The following DYNC2H1 variants were observed in gnomAD, a reference collection of about 807,000 sequenced individuals.
DYNC2H1 encodes dynein cytoplasmic 2 heavy chain 1.
Under a neutral mutation model 570.0 loss-of-function variants are expected in DYNC2H1, and 410 were observed. The observed-to-expected ratio is 0.72, with a 90% confidence interval of 0.66 to 0.78. DYNC2H1 has a LOEUF of 0.78. Among genes scored for constraint, DYNC2H1 ranks in the 30% least tolerant of loss-of-function variants. The probability of loss-of-function intolerance (pLI) is 0.00; values close to 1 mark genes in which losing one functional copy is unlikely to be tolerated. For synonymous variants in DYNC2H1, 1,688 were observed against 1,677.6 expected (o/e 1.01, Z -0.15); for missense variants, 4,865 against 5,046.4 (o/e 0.96, Z 1.09).
intron 11 of DYNC2H1, among the ~76,000 whole-genome samples, chr11:103,123,272 T>C (rs758973017): frequency 3.7e-4 from 56 of 152,190 alleles, no homozygotes; most frequent in Non-Finnish European, 6.8e-4. Context: ...TTTTTTATTA[T>C]TGGTATTTAT....
At chr11:103,237,285 C>G (rs1864255358) in intron 63 of DYNC2H1, among the ~76,000 whole-genome samples, 1 of 151,926 alleles carries the variant, frequency 6.6e-6, no homozygotes, top group South Asian at 2.1e-4. Flanking sequence ...ACACTATTTC[C>G]TTATTCTTAT....
At chr11:103,378,108 T>C (rs1941469498) in intron 83 of DYNC2H1, among the ~76,000 whole-genome samples, 1 of 137,976 alleles carries the variant, frequency 7.2e-6, no homozygotes, top group African/African-American at 2.7e-5. Context: ...ACATCATTAA[T>C]ACTGAGCATA....
intron 43 of DYNC2H1, 122 bp from the exon 44 acceptor site, chr11:103,188,375 T>G: frequency 1.5e-6 from 1 of 661,478 alleles, no homozygotes; most frequent in Non-Finnish European, 2.4e-6. Flanking sequence ...TAATCTAAAA[T>G]TCTTGAGTTA....
chr11:103,308,835 T>G (rs1867426998), intron 78 of DYNC2H1, among the ~76,000 whole-genome samples: 1 of 152,200 alleles, frequency 6.6e-6, no homozygotes, highest in Non-Finnish European at 1.5e-5. Flanking sequence ...TTAAAATTAT[T>G]TAATTTTTTG....
At position 103,244,459 on chromosome 11, in the gene DYNC2H1, T is replaced by C. The variant is rs540604645; in HGVS notation, c.9918+668T>C. Among the ~76,000 whole-genome samples, 1 of 151,008 alleles carries C rather than the reference T, an allele frequency of 6.6e-6. No homozygotes were observed. Among genetic ancestry groups the C allele is most frequent in the Admixed American group, 6.6e-5 (1 of 15,166 alleles). ...ACTTTACTTGTAAAATGGGGATATC[T>C]ACCTTATTTTTTGTGTGATAAGAAT... is the stretch of plus-strand genomic sequence containing the variant. On this transcript the variant is annotated intron_variant, in intron 64 of 88. Coordinates refer to ENST00000375735, the MANE Select transcript of DYNC2H1 (RefSeq NM_001377.3). This position sits in a 1 kb window ranked among gnomAD's most constrained non-coding sequence, Gnocchi z 4.3.
chr11:103,194,527 T>C (rs1862442405), intron 47 of DYNC2H1, among the ~76,000 whole-genome samples: 1 of 152,200 alleles, frequency 6.6e-6, no homozygotes, highest in Non-Finnish European at 1.5e-5. Flanking sequence ...TCCTCATCAT[T>C]GTCAGCATTT....
intron 65 of DYNC2H1, among the ~76,000 whole-genome samples, chr11:103,247,467 C>G (rs528308612): frequency 4.3e-4 from 65 of 152,100 alleles, no homozygotes; most frequent in African/African-American, 1.5e-3. Context: ...CCCAATGGCC[C>G]GAAGACTGGT....
intron 83 of DYNC2H1, among the ~76,000 whole-genome samples, chr11:103,391,453 T>C (rs894206539): frequency 2.6e-5 from 4 of 152,226 alleles, no homozygotes; most frequent in Admixed American, 2.0e-4. Context: ...CTTCCTCCTT[T>C]AGCTCGGAGA....
intron 84 of DYNC2H1, among the ~76,000 whole-genome samples, chr11:103,418,366 C>T (rs1340793295): frequency 6.6e-6 from 1 of 152,082 alleles, no homozygotes; most frequent in Non-Finnish European, 1.5e-5. Flanking sequence ...TTAATTGTAG[C>T]TCTATATGTG....
intron 83 of DYNC2H1, among the ~76,000 whole-genome samples, chr11:103,392,959 C>G (rs1169322932): frequency 6.6e-6 from 1 of 151,922 alleles, no homozygotes; most frequent in Non-Finnish European, 1.5e-5. Context: ...TCTCAGCTCA[C>G]TGCAACCTCC....
chr11:103,152,680 G>A (rs770485636), intron 21 of DYNC2H1, among the ~76,000 whole-genome samples: 2 of 152,130 alleles, frequency 1.3e-5, no homozygotes, highest in Non-Finnish European at 2.9e-5. Flanking sequence ...TAGACTATAA[G>A]CTGCTATGGT....
intron 83 of DYNC2H1, among the ~76,000 whole-genome samples, chr11:103,359,218 TAAGA>T (rs1008674549): frequency 2.6e-5 from 4 of 152,270 alleles, no homozygotes; most frequent in African/African-American, 9.6e-5. Flanking sequence ...CTGTTTTTTA[TAAGA>T]AATCCGTTGA....
At chr11:103,192,292 A>C in intron 47 of DYNC2H1, 28 bp downstream of exon 47, 1 of 1,426,602 alleles carries the variant, frequency 7.0e-7, no homozygotes, top group Non-Finnish European at 9.3e-7. Flanking sequence ...ATGCAAATAC[A>C]TAACTATTAC....
intron 88 of DYNC2H1, among the ~76,000 whole-genome samples, chr11:103,477,985 C>T (rs2170445): frequency 0.91 from 138,538 of 152,044 alleles, 63,583 homozygotes; most frequent in Non-Finnish European, 0.98. Flanking sequence ...ATAATAATAC[C>T]TGTCATACTA....
At chr11:103,423,704 C>G (rs1289059376) in intron 84 of DYNC2H1, among the ~76,000 whole-genome samples, 1 of 151,648 alleles carries the variant, frequency 6.6e-6, no homozygotes, top group Non-Finnish European at 1.5e-5. Context: ...AACAAAGGAA[C>G]CTACAGCTAG....
In DYNC2H1 at chr11:103,245,324, G is replaced by A. The variant is rs376843202; in HGVS notation, c.9992G>A (p.Gly3331Asp). The A allele has an allele frequency of 8.2e-6, 13 of 1,576,282 alleles. No homozygotes were observed. The African/African-American group carries it at 1.3e-4, about 16-fold the overall frequency. ...GKTLIIQEMD[G>D]VEPVLYPLLR... Reference sequence around the variant, plus strand: ...ACCCTTATTATACAAGAGATGGATGGTGTAGAACCTGTTCTTTATCCATTA... The same window carrying A: ...ACCCTTATTATACAAGAGATGGATGATGTAGAACCTGTTCTTTATCCATTA... Residue 3331 changes from glycine (G) to aspartate (D), a missense_variant, in exon 65 of 89, where the codon GGT (glycine) becomes GAT (aspartate). This residue lies in a region of DYNC2H1 where 2,401 missense variants were observed against 2,454.6 expected (regional missense o/e 0.98). Transcript: ENST00000375735. The surrounding 1 kb of genome is among the most constrained non-coding windows in gnomAD (Gnocchi z 4.5).
intron 13 of DYNC2H1, among the ~76,000 whole-genome samples, chr11:103,132,393 G>C (rs1444256443): frequency 2.0e-5 from 3 of 151,832 alleles, no homozygotes; most frequent in Admixed American, 6.6e-5. Context: ...CTAGTTTCAA[G>C]AGAATTTGTA....
rs879453459 is a variant in DYNC2H1, at chr11:103,362,320, C to CT, written c.12156+3973dup. ...GCTTCTTAAATATATTAATTTTTTT[C>CT]TTTTTTTTTTTTCTTTTTTTTTTTT... On this transcript the variant is annotated intron_variant, in intron 83 of 88. Transcript: ENST00000375735. Among the ~76,000 whole-genome samples, 108 of 71,546 alleles carry CT rather than the reference C, an allele frequency of 1.5e-3. 2 individuals are homozygous for CT. The highest frequency in any genetic ancestry group is 2.3e-3 in the Admixed American group (13 of 5,616). 46.9% of individuals were successfully genotyped at this position (71,546 alleles called of 152,430 possible).
chr11:103,279,346 T>A, intron 70 of DYNC2H1, among the ~76,000 whole-genome samples: 1 of 152,336 alleles, frequency 6.6e-6, no homozygotes, highest in South Asian at 2.1e-4. Flanking sequence ...TTTTCAGTTC[T>A]TTGTAAATAT....
Sources: allele counts gnomAD v4.1 joint callset (sites outside exome capture counted in the v4.1 genomes callset), GRCh38; gene constraint gnomAD v4.1.1; regional missense constraint gnomAD v4.1.1; non-coding constraint Gnocchi (gnomAD v3.1); transcripts MANE v1.5; gene names NCBI Gene and HGNC (gene_info 2026-07-23, HGNC 2026-07-21).